The following DNER variants were observed in gnomAD, a reference collection of about 807,000 sequenced individuals.
The protein encoded by DNER is delta and Notch-like epidermal growth factor-related receptor.
DNER carries 33 observed loss-of-function variants against 78.2 expected under a neutral mutation model. That is an observed-to-expected ratio of 0.42 (90% CI 0.32 to 0.56). The LOEUF (loss-of-function observed/expected upper bound fraction) is 0.56, where lower values mean the gene tolerates loss of function less well. Ranked by LOEUF, DNER falls within the 20% of genes least tolerant of loss-of-function variation. DNER has a pLI of 0.11. For synonymous variants in DNER, 417 were observed against 384.8 expected, an observed-to-expected ratio of 1.08 and a Z score of -0.98; for missense variants, 918 against 975.3, an observed-to-expected ratio of 0.94 and a Z score of 0.78.
intron 7 of DNER, among the ~76,000 whole-genome samples, chr2:229,467,528 G>C (rs112167898): frequency 6.6e-6 from 1 of 152,040 alleles, no homozygotes; most frequent in Non-Finnish European, 1.5e-5. Context: ...TCAGAGCCTC[G>C]ACCTGAATAG....
chr2:229,619,172 CAT>C (rs1485020981), intron 1 of DNER, among the ~76,000 whole-genome samples: 5 of 149,238 alleles, frequency 3.4e-5, no homozygotes, highest in Non-Finnish European at 6.0e-5. Flanking sequence ...CACACACACA[CAT>C]ACACACACAC....
chr2:229,608,625 C>T (rs774784595), intron 1 of DNER, among the ~76,000 whole-genome samples: 4 of 152,092 alleles, frequency 2.6e-5, no homozygotes, highest in Admixed American at 6.6e-5. Context: ...CAGTGTCATA[C>T]GTCTGTGCAC....
At chr2:229,504,622 CA>C (rs1465238144) in intron 6 of DNER, among the ~76,000 whole-genome samples, 1 of 152,154 alleles carries the variant, frequency 6.6e-6, no homozygotes, top group African/African-American at 2.4e-5. Flanking sequence ...TTTTTTTACA[CA>C]AAATTGCCTA....
At chr2:229,658,119 A>G (rs952901237) in intron 1 of DNER, among the ~76,000 whole-genome samples, 2 of 152,200 alleles carry the variant, frequency 1.3e-5, no homozygotes, top group African/African-American at 4.8e-5. Flanking sequence ...CTTTATGATC[A>G]GGGAGTCGGG....
intron 1 of DNER, among the ~76,000 whole-genome samples, chr2:229,665,542 A>T (rs1699077397): frequency 6.6e-6 from 1 of 152,228 alleles, no homozygotes; most frequent in African/African-American, 2.4e-5. Flanking sequence ...GATAGAGTCA[A>T]CAGTGTCATA....
At chr2:229,364,504 C>G (rs141428261) in intron 12 of DNER, among the ~76,000 whole-genome samples, 17 of 152,242 alleles carry the variant, frequency 1.1e-4, no homozygotes, top group African/African-American at 4.1e-4. Context: ...TGCCTCAGTT[C>G]GCTCTGAAAG....
At chr2:229,571,740 C>G (rs550787416) in intron 4 of DNER, among the ~76,000 whole-genome samples, 136 of 152,236 alleles carry the variant, frequency 8.9e-4, no homozygotes, top group African/African-American at 2.9e-3. Context: ...GACCTCCCCC[C>G]CTGAAACCGT....
intron 1 of DNER, among the ~76,000 whole-genome samples, chr2:229,671,778 C>G (rs6754246): frequency 0.011 from 1,692 of 152,216 alleles, 35 homozygotes; most frequent in African/African-American, 0.039. Flanking sequence ...TAACAACTAC[C>G]CTCTTCTCTA....
At chr2:229,664,178 A>G (rs1699053142) in intron 1 of DNER, among the ~76,000 whole-genome samples, 1 of 152,148 alleles carries the variant, frequency 6.6e-6, no homozygotes, top group East Asian at 1.9e-4. Context: ...TTTCTGTTCA[A>G]TGCTGATTTA....
chr2:229,547,199 G>A, intron 4 of DNER, 107 bp from the exon 5 acceptor site: 4 of 1,460,328 alleles, frequency 2.7e-6, no homozygotes, highest in Non-Finnish European at 2.7e-6. Context: ...ATTTAGTGTA[G>A]GCAGCACTCA....
At chr2:229,462,493 A>T (rs1339704002) in intron 7 of DNER, among the ~76,000 whole-genome samples, 6 of 152,058 alleles carry the variant, frequency 3.9e-5, no homozygotes, top group Non-Finnish European at 8.8e-5. Context: ...ATATCCATCC[A>T]ATTAGTGGAT....
chr2:229,379,931 C>T (rs1262597367), intron 11 of DNER, among the ~76,000 whole-genome samples: 5 of 152,176 alleles, frequency 3.3e-5, no homozygotes, highest in Non-Finnish European at 5.9e-5. Context: ...AGTTCTCACC[C>T]ATCTTTAGCA....
intron 4 of DNER, among the ~76,000 whole-genome samples, chr2:229,556,717 A>G (rs1384069416): frequency 6.6e-6 from 1 of 152,206 alleles, no homozygotes; most frequent in South Asian, 2.1e-4. Flanking sequence ...TATTAGCTTT[A>G]TTTGCTTATT....
chr2:229,705,233 C>G (rs1306461754), intron 1 of DNER, among the ~76,000 whole-genome samples: 1 of 152,172 alleles, frequency 6.6e-6, no homozygotes, highest in Non-Finnish European at 1.5e-5. Flanking sequence ...CCTCCGAAAC[C>G]CAAAATGTAA....
At chr2:229,594,327 G>T (rs963596489) in intron 1 of DNER, among the ~76,000 whole-genome samples, 1 of 152,170 alleles carries the variant, frequency 6.6e-6, no homozygotes, top group Non-Finnish European at 1.5e-5. Flanking sequence ...GGTGGCTCAC[G>T]CCTGTAACCC....
intron 10 of DNER, among the ~76,000 whole-genome samples, chr2:229,397,749 A>G (rs1693179913): frequency 6.6e-6 from 1 of 152,216 alleles, no homozygotes; most frequent in South Asian, 2.1e-4. Flanking sequence ...CACTTGAAAA[A>G]TAAACAACAT....
At chr2:229,499,720 G>A in intron 6 of DNER, among the ~76,000 whole-genome samples, 1 of 151,626 alleles carries the variant, frequency 6.6e-6, no homozygotes, top group Admixed American at 6.6e-5. Context: ...TAGACAAACG[G>A]GATTACATCA....
intron 11 of DNER, among the ~76,000 whole-genome samples, chr2:229,380,268 G>T (rs530233694): frequency 1.3e-5 from 2 of 152,160 alleles, no homozygotes; most frequent in Non-Finnish European, 1.5e-5. Flanking sequence ...AGAACCACCA[G>T]TGAGGGCCTG....
intron 1 of DNER, among the ~76,000 whole-genome samples, chr2:229,668,523 T>TGTGC (rs1297524079): frequency 2.1e-5 from 1 of 47,606 alleles, no homozygotes; most frequent in African/African-American, 1.9e-4. Context: ...AGTATGTGTG[T>TGTGC]GTGTGTGTGT....
Sources: gnomAD v4.1 joint callset for allele counts (sites outside exome capture counted in the v4.1 genomes callset) on GRCh38, gnomAD v4.1.1 for gene constraint, MANE v1.5 for transcripts, NCBI Gene and HGNC (gene_info 2026-07-23, HGNC 2026-07-21) for gene names.